Variants in SOX6 observed in about 807,000 individuals in gnomAD.
SOX6 encodes SRY-box transcription factor 6, also known as transcription factor SOX-6.
Under a neutral mutation model 97.8 loss-of-function variants are expected in SOX6, and 11 were observed. The observed-to-expected ratio is 0.11, with a 90% CI of 0.07 to 0.19. The LOEUF (loss-of-function observed/expected upper bound fraction) is 0.19, where lower values mean the gene tolerates loss of function less well. SOX6 is among the 10% of genes least tolerant of loss of function. SOX6 has a pLI of 1.00. For synonymous variants in SOX6, 360 were observed against 371.4 expected (o/e 0.97, Z 0.35); for missense variants, 810 against 1,039.5 (o/e 0.78, Z 3.04).
intron 1 of SOX6, chr11:16,402,516 C>G (rs2134444271): frequency 1.2e-6 from 1 of 804,716 alleles, no homozygotes; most frequent in South Asian, 1.5e-5. Context: ...GAGAGCTTCC[C>G]AGAGATTTGA....
chr11:16,194,590 G>A lies in SOX6; in HGVS notation c.536-7635C>T, dbSNP rs115181365. On this transcript the variant is annotated intron_variant, in intron 4 of 15. Coordinates refer to ENST00000683767, the MANE Select transcript of SOX6 (RefSeq NM_001367873.1). ...CCTTCTTGATATTCACCTTTAAAATGTCATTAGAATCTACAGTGTACTAAC... is the reference window on the plus strand; with the variant it reads ...CCTTCTTGATATTCACCTTTAAAATATCATTAGAATCTACAGTGTACTAAC... Among the ~76,000 whole-genome samples, 673 of 152,232 alleles carry A rather than the reference G, an allele frequency of 4.4e-3. 4 individuals carry two copies. The highest frequency in any genetic ancestry group is 0.015 in the African/African-American group (628 of 41,544).
intron 3 of SOX6, among the ~76,000 whole-genome samples, chr11:16,621,365 T>C (rs1848543256): frequency 6.6e-6 from 1 of 152,186 alleles, no homozygotes; most frequent in Admixed American, 6.5e-5. Flanking sequence ...AAAAGAACCA[T>C]GGTATCTGCA....
At chr11:16,083,754 C>G (rs1406294979) in intron 9 of SOX6, among the ~76,000 whole-genome samples, 2 of 152,174 alleles carry the variant, frequency 1.3e-5, no homozygotes, top group Non-Finnish European at 1.5e-5. Flanking sequence ...TTATATAGCA[C>G]TTGACAGTGT....
At chr11:16,042,920 G>A (rs1426835652) in intron 12 of SOX6, among the ~76,000 whole-genome samples, 1 of 152,120 alleles carries the variant, frequency 6.6e-6, no homozygotes, top group Non-Finnish European at 1.5e-5. Flanking sequence ...TAGGTAATCA[G>A]TCTACTGGCT....
intron 1 of SOX6, among the ~76,000 whole-genome samples, chr11:16,453,503 T>C (rs1025040359): frequency 2.4e-4 from 36 of 152,136 alleles, no homozygotes; most frequent in African/African-American, 8.4e-4. Flanking sequence ...CTACTATAAT[T>C]CATTAGTACG....
intron 4 of SOX6, among the ~76,000 whole-genome samples, chr11:16,588,510 T>C (rs1303968591): frequency 6.6e-6 from 1 of 152,210 alleles, no homozygotes; most frequent in East Asian, 1.9e-4. Flanking sequence ...TCCCAGCTTC[T>C]GCTCTGATTT....
intron 3 of SOX6, among the ~76,000 whole-genome samples, chr11:16,614,739 C>T (rs1362612888): frequency 2.0e-5 from 3 of 152,178 alleles, no homozygotes. Context: ...AGGTCCTCCT[C>T]GGTGAACTGT....
intron 15 of SOX6, among the ~76,000 whole-genome samples, chr11:15,977,519 C>T (rs1174485075): frequency 6.6e-6 from 1 of 151,870 alleles, no homozygotes; most frequent in Non-Finnish European, 1.5e-5. Flanking sequence ...TGAGCCTCTC[C>T]CTGCTTGTGC....
chr11:16,062,377 T>C (rs986058941), intron 9 of SOX6, among the ~76,000 whole-genome samples: 1 of 151,674 alleles, frequency 6.6e-6, no homozygotes, highest in Non-Finnish European at 1.5e-5. Flanking sequence ...AACTATTACA[T>C]AAGGGTCTAC....
intron 4 of SOX6, among the ~76,000 whole-genome samples, chr11:16,575,473 A>G (rs1847974437): frequency 6.6e-6 from 1 of 152,230 alleles, no homozygotes; most frequent in South Asian, 2.1e-4. Flanking sequence ...ATTGTTCATA[A>G]TAACCAGCAA....
chr11:16,088,930 T>G (rs2133964869), intron 9 of SOX6, among the ~76,000 whole-genome samples: 1 of 152,280 alleles, frequency 6.6e-6, no homozygotes, highest in South Asian at 2.1e-4. Context: ...TACTTTTGTT[T>G]TAGTTCATAC....
chr11:16,590,021 GACA>G (rs1402827216), intron 4 of SOX6, among the ~76,000 whole-genome samples: 11 of 152,080 alleles, frequency 7.2e-5, no homozygotes, highest in Non-Finnish European at 1.0e-4. Flanking sequence ...AAAATAATAT[GACA>G]ACAAACGTAA....
chr11:15,991,264 A>T (rs1368796205), intron 13 of SOX6, among the ~76,000 whole-genome samples: 1 of 152,182 alleles, frequency 6.6e-6, no homozygotes, highest in Non-Finnish European at 1.5e-5. Context: ...ACCATACAGG[A>T]TAAATTGATT....
At chr11:16,238,216 C>T (rs1454915717) in intron 3 of SOX6, among the ~76,000 whole-genome samples, 2 of 151,828 alleles carry the variant, frequency 1.3e-5, no homozygotes, top group Non-Finnish European at 1.5e-5. Flanking sequence ...AGGATGTAAA[C>T]GTTTTGATGT....
At chr11:16,611,661 T>A (rs1848400275) in intron 4 of SOX6, among the ~76,000 whole-genome samples, 2 of 152,198 alleles carry the variant, frequency 1.3e-5, no homozygotes, top group Non-Finnish European at 2.9e-5. Context: ...GGACTCTGCC[T>A]CAAAGAGGTC....
In SOX6 at chr11:16,356,407, T is replaced by C. The variant is rs1235729084; in HGVS notation, c.-318A>G. On this transcript the variant is annotated 5_prime_UTR_variant, in exon 1 of 16. Transcript: ENST00000683767. ...TGAAATCTCTTGGCCTGTTGGGAGA[T>C]ACAGTACCCCACATACCTTCTGCCA... Among the ~76,000 whole-genome samples, 1 of 152,090 alleles carries C rather than the reference T, an allele frequency of 6.6e-6. No individual in the cohort carries two copies. The highest frequency in any genetic ancestry group is 1.5e-5 in the Non-Finnish European group (1 of 67,990).
At chr11:16,134,905 GAGA>G (rs1025889483) in intron 6 of SOX6, among the ~76,000 whole-genome samples, 16 of 152,188 alleles carry the variant, frequency 1.1e-4, no homozygotes, top group African/African-American at 1.4e-4. Context: ...CACCACTAGA[GAGA>G]AGAAGTCAAT....
chr11:16,362,015 C>T (rs1857221714), intron 1 of SOX6, among the ~76,000 whole-genome samples: 1 of 152,170 alleles, frequency 6.6e-6, no homozygotes, highest in Non-Finnish European at 1.5e-5. Context: ...ATCATCTCTA[C>T]AGAATCAGCC....
chr11:16,688,509 G>A (rs960741337), intron 3 of SOX6, among the ~76,000 whole-genome samples: 9 of 152,004 alleles, frequency 5.9e-5, no homozygotes, highest in African/African-American at 2.2e-4. Context: ...CTATTATTAT[G>A]TTATCAAGAT....
Sources: allele counts gnomAD v4.1 joint callset (sites outside exome capture counted in the v4.1 genomes callset), GRCh38; gene constraint gnomAD v4.1.1; transcripts MANE v1.5; gene names NCBI Gene and HGNC (gene_info 2026-07-23, HGNC 2026-07-21).